The following MAGI1 variants were observed in gnomAD, a reference collection of about 807,000 sequenced individuals.
MAGI1 encodes membrane-associated guanylate kinase, WW and PDZ domain-containing protein 1.
In MAGI1, 58 loss-of-function variants were observed where a neutral mutation model predicts 139.9. The observed-to-expected ratio is 0.41, with a 90% CI of 0.34 to 0.52. The LOEUF is 0.52. Among genes scored for constraint, MAGI1 ranks in the 20% least tolerant of loss-of-function variants. The pLI is 0.12. For synonymous variants in MAGI1, 812 were observed against 737.9 expected, an observed-to-expected ratio of 1.10 and a Z score of -1.63; for missense variants, 1,874 against 1,901.6, an observed-to-expected ratio of 0.99 and a Z score of 0.27.
chr3:65,401,381 C>A, intron 13 of MAGI1, 58 bp downstream of exon 13: 24 of 1,323,662 alleles, frequency 1.8e-5, no homozygotes, highest in Non-Finnish European at 2.3e-5. Context: ...CTCCCACCTC[C>A]AGCCCCCCAC....
intron 1 of MAGI1, among the ~76,000 whole-genome samples, chr3:65,875,312 A>G (rs1209310982): frequency 6.6e-6 from 1 of 152,220 alleles, no homozygotes; most frequent in African/African-American, 2.4e-5. Context: ...GACTTCAGAG[A>G]TGGCTGCACA....
chr3:65,430,466 T>A (rs1411431988), intron 11 of MAGI1, among the ~76,000 whole-genome samples: 1 of 152,166 alleles, frequency 6.6e-6, no homozygotes, highest in Non-Finnish European at 1.5e-5. Context: ...TGCTTTACTG[T>A]ACTCAAACAG....
At chr3:65,387,165 G>A (rs1418626810) in intron 14 of MAGI1, 2 of 1,613,942 alleles carry the variant, frequency 1.2e-6, no homozygotes, top group South Asian at 2.2e-5. Context: ...CAAAATTCGT[G>A]GAATTGATTT....
chr3:65,478,852 T>C, intron 3 of MAGI1, 54 bp from the exon 4 acceptor site: 1 of 1,373,498 alleles, frequency 7.3e-7, no homozygotes, highest in Non-Finnish European at 1.0e-6. Flanking sequence ...TTTGTGTTTT[T>C]TTTTAAGACT....
chr3:65,749,410 G>A (rs1439508874), intron 1 of MAGI1, among the ~76,000 whole-genome samples: 1 of 152,122 alleles, frequency 6.6e-6, no homozygotes, highest in Non-Finnish European at 1.5e-5. Context: ...TCTAAGTGAA[G>A]TGACTCAGGA....
At chr3:65,971,446 C>G (rs1190378689) in intron 1 of MAGI1, among the ~76,000 whole-genome samples, 1 of 152,114 alleles carries the variant, frequency 6.6e-6, no homozygotes, top group East Asian at 1.9e-4. Context: ...GAAATGCTCC[C>G]TGAAGCACTT....
At chr3:66,006,463 G>A (rs1394037717) in intron 1 of MAGI1, among the ~76,000 whole-genome samples, 1 of 152,160 alleles carries the variant, frequency 6.6e-6, no homozygotes, top group Non-Finnish European at 1.5e-5. Context: ...ATGTGTTTAT[G>A]TGTAGGTATA....
intron 22 of MAGI1, chr3:65,359,416 TTTTTGTTTTG>T (rs998218243): frequency 5.6e-6 from 7 of 1,241,478 alleles, no homozygotes; most frequent in South Asian, 3.2e-5. Flanking sequence ...AATGCATCCT[TTTTTGTTTTG>T]TTTTGTTTTG....
intron 2 of MAGI1, among the ~76,000 whole-genome samples, chr3:65,541,169 A>C (rs1480294684): frequency 6.6e-6 from 1 of 152,220 alleles, no homozygotes; most frequent in Non-Finnish European, 1.5e-5. Context: ...CAGAAAATCT[A>C]GAAGAAATGG....
intron 6 of MAGI1, among the ~76,000 whole-genome samples, chr3:65,451,447 G>A (rs1163755968): frequency 6.6e-6 from 1 of 152,158 alleles, no homozygotes; most frequent in African/African-American, 2.4e-5. Context: ...TGTTCAGGTT[G>A]AGTAGTCATT....
At chr3:65,845,501 T>A (rs1398325776) in intron 1 of MAGI1, among the ~76,000 whole-genome samples, 1 of 152,182 alleles carries the variant, frequency 6.6e-6, no homozygotes, top group Non-Finnish European at 1.5e-5. Context: ...GCACAGTGTC[T>A]GGAACAGAGT....
chr3:65,858,623 A>C (rs531274131), intron 1 of MAGI1, among the ~76,000 whole-genome samples: 1 of 152,350 alleles, frequency 6.6e-6, no homozygotes, highest in Admixed American at 6.5e-5. Context: ...TCTAATTATG[A>C]ATATCTATCT....
At chr3:65,660,044 T>C (rs2086107216) in intron 1 of MAGI1, among the ~76,000 whole-genome samples, 1 of 152,188 alleles carries the variant, frequency 6.6e-6, no homozygotes, top group Non-Finnish European at 1.5e-5. Context: ...TACAAAATGA[T>C]TTCGTTATGC....
chr3:65,408,863 G>A (rs1048978494), intron 12 of MAGI1, among the ~76,000 whole-genome samples: 1 of 152,160 alleles, frequency 6.6e-6, no homozygotes, highest in African/African-American at 2.4e-5. Flanking sequence ...CTAGGAACTG[G>A]CATGAAATAA....
chr3:65,449,567 G>C (rs1575788257), intron 6 of MAGI1, among the ~76,000 whole-genome samples: 2 of 152,066 alleles, frequency 1.3e-5, no homozygotes, highest in Admixed American at 6.6e-5. Context: ...CTGAGGTTGG[G>C]AGTTCGAGAC....
intron 1 of MAGI1, among the ~76,000 whole-genome samples, chr3:65,827,872 T>C (rs893108664): frequency 6.6e-6 from 1 of 152,184 alleles, no homozygotes; most frequent in African/African-American, 2.4e-5. Flanking sequence ...TCTAATTGCC[T>C]GCAGCAAAAA....
intron 1 of MAGI1, among the ~76,000 whole-genome samples, chr3:65,972,764 C>T (rs1173423376): frequency 6.6e-6 from 1 of 152,188 alleles, no homozygotes; most frequent in African/African-American, 2.4e-5. Context: ...GGCACATATA[C>T]GCATACACTT....
intron 1 of MAGI1, among the ~76,000 whole-genome samples, chr3:65,843,159 A>T (rs2058866161): frequency 1.3e-5 from 2 of 152,174 alleles, no homozygotes; most frequent in African/African-American, 4.8e-5. Flanking sequence ...CTTCTAAGAT[A>T]ATGTTATAAA....
chr3:65,840,148 A>ATT (rs34338889), intron 1 of MAGI1, among the ~76,000 whole-genome samples: 51 of 147,544 alleles, frequency 3.5e-4, no homozygotes, highest in African/African-American at 1.1e-3. Flanking sequence ...TAGTTCTAAG[A>ATT]TTTTTTTTTT....
Sources: allele counts gnomAD v4.1 joint callset (sites outside exome capture counted in the v4.1 genomes callset), GRCh38; gene constraint gnomAD v4.1.1; transcripts MANE v1.5; gene names NCBI Gene and HGNC (gene_info 2026-07-23, HGNC 2026-07-21).